Variants in MCHR2 observed in about 807,000 individuals in gnomAD.
MCHR2 encodes the protein melanin concentrating hormone receptor 2, also known as melanin-concentrating hormone receptor 2.
In MCHR2, 15 loss-of-function variants were observed where a neutral mutation model predicts 24.8. The ratio of observed to expected loss-of-function variants is 0.60; its 90% CI spans 0.40 to 0.93. The LOEUF (loss-of-function observed/expected upper bound fraction) is 0.93. Among genes scored for constraint, MCHR2 ranks in the 40% least tolerant of loss-of-function variants. MCHR2 has a pLI of 0.00. For missense variants in MCHR2, 386 were observed against 408.7 expected, an observed-to-expected ratio of 0.94 and a Z score of 0.48; for synonymous variants, 151 against 147.6, an observed-to-expected ratio of 1.02 and a Z score of -0.17.
chr6:99,973,701 G>C (rs1775485608), intron 1 of MCHR2, among the ~76,000 whole-genome samples: 1 of 152,166 alleles, frequency 6.6e-6, no homozygotes, highest in African/African-American at 2.4e-5. Flanking sequence ...GCTGGTACCG[G>C]TTTTTCCTTT....
At chr6:99,931,490 A>C (rs1481157029) in intron 5 of MCHR2, among the ~76,000 whole-genome samples, 1 of 152,126 alleles carries the variant, frequency 6.6e-6, no homozygotes, top group Admixed American at 6.5e-5. Context: ...GGTGGGCTCC[A>C]CCCAGTTCGA....
At chr6:99,983,316 C>T (rs960827358) in intron 1 of MCHR2, among the ~76,000 whole-genome samples, 3 of 152,168 alleles carry the variant, frequency 2.0e-5, no homozygotes, top group African/African-American at 7.2e-5. Flanking sequence ...ATTGTTTTCA[C>T]TCCTGAGTCC....
chr6:99,952,303 C>G (rs1488969226), intron 2 of MCHR2, among the ~76,000 whole-genome samples: 2 of 152,110 alleles, frequency 1.3e-5, no homozygotes, highest in African/African-American at 4.8e-5. Flanking sequence ...CAAGTTGTTT[C>G]TTGCTTTTAA....
intron 1 of MCHR2, among the ~76,000 whole-genome samples, chr6:99,976,369 A>T (rs1170997768): frequency 6.6e-6 from 1 of 152,200 alleles, no homozygotes; most frequent in Non-Finnish European, 1.5e-5. Flanking sequence ...TTTTCAGCCT[A>T]CATGAAAACC....
chr6:99,964,728 A>G (rs1475432096), intron 1 of MCHR2, among the ~76,000 whole-genome samples: 2 of 152,114 alleles, frequency 1.3e-5, no homozygotes, highest in Admixed American at 6.6e-5. Flanking sequence ...CAGCCAAACC[A>G]TATAACTGAA....
At chr6:99,961,741 T>C (rs1438848802) in intron 1 of MCHR2, among the ~76,000 whole-genome samples, 1 of 151,944 alleles carries the variant, frequency 6.6e-6, no homozygotes, top group Admixed American at 6.6e-5. Flanking sequence ...AGCATTAGGA[T>C]AAATACCTAA....
chr6:99,970,467 T>G (rs1428595048), intron 1 of MCHR2, among the ~76,000 whole-genome samples: 1 of 152,234 alleles, frequency 6.6e-6, no homozygotes, highest in African/African-American at 2.4e-5. Context: ...ATTAGCCCTT[T>G]GTCATATGAG....
Position 99,942,990 on chromosome 6 carries a change from CT to C in MCHR2, c.545del (p.Glu182GlyfsTer7), listed in dbSNP as rs1562122584. On this transcript the variant is annotated frameshift_variant, in exon 4 of 6. Transcript: ENST00000281806. LOFTEE classifies it high-confidence loss of function. ...GGGATGTCAAATCAAAAGCACAACT[CT>C]CAACACCGTCTTTAAATTTGATGAC... ...SKVIKFKDGVESCAFDLTSPD... is the reference protein window; with the variant it reads ...SKVIKFKDGVXSCAFDLTSPD... 3.1e-6 allele frequency: 5 copies of C among 1,612,858 alleles called. No individual in the cohort carries two copies. The highest frequency in any genetic ancestry group is 1.3e-5 in the African/African-American group (1 of 74,980).
Position 99,920,995 on chromosome 6 carries a change from C to T in MCHR2, c.968G>A (p.Arg323Lys), listed in dbSNP as rs951118958. Residue 323 changes from arginine (R) to lysine (K), a missense_variant, in exon 6 of 6, where the codon AGA becomes AAA. By Grantham distance (26) the Arg-to-Lys change is conservative. Coordinates refer to ENST00000281806, the MANE Select transcript of MCHR2 (RefSeq NM_001040179.2). The stretch of plus-strand genomic sequence containing the variant: ...ATTGTTGATTTCCTTCTCAGTCGCT[C>T]TTCTTTGGATTTGAGGCAGACGTTT... ...FQKRLPQIQR[R>K]ATEKEINNMG... 2 of 1,614,108 alleles carry T rather than the reference C, an allele frequency of 1.2e-6. No homozygotes were observed. Among genetic ancestry groups the T allele is most frequent in the South Asian group, 1.1e-5 (1 of 91,064 alleles).
At chr6:99,971,989 C>G (rs947549668) in intron 1 of MCHR2, among the ~76,000 whole-genome samples, 1 of 152,184 alleles carries the variant, frequency 6.6e-6, no homozygotes, top group Non-Finnish European at 1.5e-5. Flanking sequence ...ATTTTTGCAT[C>G]AATGTTCATC....
chr6:99,958,502 A>G (rs1347804526), intron 1 of MCHR2, among the ~76,000 whole-genome samples: 1 of 152,076 alleles, frequency 6.6e-6, no homozygotes, highest in African/African-American at 2.4e-5. Context: ...CAAGACACAG[A>G]TGTTTAATAA....
At chr6:99,958,504 G>A (rs975896851) in intron 1 of MCHR2, among the ~76,000 whole-genome samples, 5 of 151,604 alleles carry the variant, frequency 3.3e-5, no homozygotes, top group African/African-American at 4.8e-5. Context: ...AGACACAGAT[G>A]TTTAATAAAA....
chr6:99,930,065 C>G (rs1393554566), intron 5 of MCHR2, among the ~76,000 whole-genome samples: 2 of 151,300 alleles, frequency 1.3e-5, no homozygotes, highest in Non-Finnish European at 2.9e-5. Flanking sequence ...ATTTGCTTGT[C>G]TGTAAAGTAT....
intron 1 of MCHR2, among the ~76,000 whole-genome samples, chr6:99,988,353 C>T (rs1775805444): frequency 6.6e-6 from 1 of 152,200 alleles, no homozygotes; most frequent in Admixed American, 6.5e-5. Flanking sequence ...CAGATGATTA[C>T]AGCAGCTAGT....
At chr6:99,956,944 ATG>A (rs3038362) in intron 1 of MCHR2, among the ~76,000 whole-genome samples, 62 of 150,274 alleles carry the variant, frequency 4.1e-4, no homozygotes, top group African/African-American at 8.8e-4. Context: ...GCTGGACAAA[ATG>A]TGTGTGTGTG....
chr6:99,929,644 G>A (rs1456046754), intron 5 of MCHR2, among the ~76,000 whole-genome samples: 5 of 152,114 alleles, frequency 3.3e-5, no homozygotes, highest in African/African-American at 1.2e-4. Context: ...TGTTTTATCA[G>A]AGACTAGGAT....
intron 5 of MCHR2, among the ~76,000 whole-genome samples, chr6:99,924,824 T>C (rs1582365667): frequency 6.6e-6 from 1 of 152,126 alleles, no homozygotes; most frequent in East Asian, 1.9e-4. Context: ...CTAACATATG[T>C]TCTATCCTTG....
chr6:99,948,147 T>G (rs1046991710), intron 2 of MCHR2, among the ~76,000 whole-genome samples, 176 bp from the exon 3 acceptor site: 2 of 152,186 alleles, frequency 1.3e-5, no homozygotes, highest in Admixed American at 6.5e-5. Flanking sequence ...TTTGAACTAT[T>G]TATTTGATAA....
chr6:99,987,788 C>A (rs1170521536), intron 1 of MCHR2, among the ~76,000 whole-genome samples: 1 of 152,090 alleles, frequency 6.6e-6, no homozygotes, highest in Non-Finnish European at 1.5e-5. Flanking sequence ...TGACTGAAGT[C>A]ACTTCATTAG....
Sources: allele counts gnomAD v4.1 joint callset (sites outside exome capture counted in the v4.1 genomes callset), GRCh38; gene constraint gnomAD v4.1.1; transcripts MANE v1.5; gene names NCBI Gene and HGNC (gene_info 2026-07-23, HGNC 2026-07-21).